The following GDA variants were observed in gnomAD, a reference collection of about 807,000 sequenced individuals.
The protein encoded by GDA is guanine deaminase, also known as cytoplasmic PSD-95 interactor.
Under a neutral mutation model 59.6 loss-of-function variants are expected in GDA, and 18 were observed. The ratio of observed to expected loss-of-function variants is 0.30; its 90% CI spans 0.21 to 0.45. GDA has a LOEUF of 0.45. GDA is among the 20% of genes least tolerant of loss of function. GDA has a pLI of 1.00. For missense variants in GDA, 427 were observed against 552.3 expected, an observed-to-expected ratio of 0.77 and a Z score of 2.27; for synonymous variants, 201 against 201.1, an observed-to-expected ratio of 1.00 and a Z score of 0.00.
chr9:72,123,781 C>CCAA (rs904770285), intron 1 of GDA, among the ~76,000 whole-genome samples: 4 of 152,154 alleles, frequency 2.6e-5, no homozygotes, highest in Admixed American at 1.3e-4. Flanking sequence ...GCCACTGCAC[C>CCAA]CAACCCAGAG....
At chr9:72,253,454 C>CT (rs1430813836), downstream of GDA, 1 of 152,154 alleles carries the variant, frequency 6.6e-6, no homozygotes, top group Non-Finnish European at 1.5e-5. Context: ...GTAGCTGACT[C>CT]TAACTGCCCT....
At chr9:72,240,822 T>C (rs771939323) in intron 10 of GDA, among the ~76,000 whole-genome samples, 4 of 152,202 alleles carry the variant, frequency 2.6e-5, no homozygotes, top group Non-Finnish European at 5.9e-5. Context: ...CTTAGAGCTC[T>C]TGTGGGGATC....
chr9:72,229,838 G>A (rs748080204), intron 9 of GDA, among the ~76,000 whole-genome samples: 18 of 152,194 alleles, frequency 1.2e-4, no homozygotes, highest in Non-Finnish European at 2.2e-4. Context: ...AGGGACCCCA[G>A]AGGTTCTGAG....
chr9:72,226,315 G>T (rs748603832), intron 8 of GDA, among the ~76,000 whole-genome samples: 2 of 152,146 alleles, frequency 1.3e-5, no homozygotes, highest in Non-Finnish European at 2.9e-5. Flanking sequence ...AGGTATGCAG[G>T]CTTACAAGGA....
chr9:72,135,839 G>C (rs1299628807), intron 1 of GDA, among the ~76,000 whole-genome samples: 1 of 151,912 alleles, frequency 6.6e-6, no homozygotes, highest in East Asian at 2.0e-4. Context: ...TTGAACTCCT[G>C]ACGTCAGGTG....
chr9:72,170,424 G>A (rs978363885), intron 1 of GDA, among the ~76,000 whole-genome samples: 12 of 152,092 alleles, frequency 7.9e-5, no homozygotes, highest in African/African-American at 2.9e-4. Flanking sequence ...CTAGATTTTT[G>A]TGGATTTTAC....
At chr9:72,166,099 G>T (rs2130896431) in intron 1 of GDA, among the ~76,000 whole-genome samples, 1 of 152,276 alleles carries the variant, frequency 6.6e-6, no homozygotes, top group African/African-American at 2.4e-5. Context: ...TGTATGAATG[G>T]AGGCTTGTAT....
chr9:72,200,052 C>T (rs1335590112), intron 2 of GDA, among the ~76,000 whole-genome samples: 7 of 141,606 alleles, frequency 4.9e-5, no homozygotes, highest in Non-Finnish European at 9.0e-5. Context: ...GGCTGGAGTG[C>T]AGTGGCATGA....
intron 1 of GDA, among the ~76,000 whole-genome samples, chr9:72,142,264 G>A (rs1826466890): frequency 6.6e-6 from 1 of 152,180 alleles, no homozygotes; most frequent in Admixed American, 6.5e-5. Context: ...TTGATACAAT[G>A]TAAAACTTAA....
chr9:72,149,270 CAA>C (rs1428784436), upstream of GDA: 1 of 441,494 alleles, frequency 2.3e-6, no homozygotes. Context: ...CTTGATAACT[CAA>C]AGAGTTAACA....
intron 3 of GDA, among the ~76,000 whole-genome samples, chr9:72,204,877 C>G (rs2131370799): frequency 6.6e-6 from 1 of 152,146 alleles, no homozygotes; most frequent in African/African-American, 2.4e-5. Context: ...TTTGGGAGAC[C>G]AAGGTGGGTG....
rs75641591 is a variant in GDA, at chr9:72,249,042, G to T, written c.*700G>T. Reference sequence around the variant, plus strand: ...TTGTGCTTCAAAGTGTTTGACAGAAGTTGGGTATTAAAGATTTAAAGTCTC... The same window carrying T: ...TTGTGCTTCAAAGTGTTTGACAGAATTTGGGTATTAAAGATTTAAAGTCTC... On this transcript the variant is annotated 3_prime_UTR_variant, in exon 14 of 14. Coordinates refer to ENST00000358399, the MANE Select transcript of GDA (RefSeq NM_004293.5). 6,422 of 984,920 alleles carry T rather than the reference G, an allele frequency of 6.5e-3. 95 individuals carry two copies. The East Asian group carries it at 0.1, about 16-fold the overall frequency. The allele number at this position is 984,920 out of a possible 1,614,324, so 61.0% of individuals were successfully genotyped here. A position where few individuals can be genotyped will look rare whatever the true frequency, so the allele number is the denominator to read the frequency against.
At chr9:72,196,477 ACT>A (rs903460068) in intron 2 of GDA, among the ~76,000 whole-genome samples, 6 of 141,552 alleles carry the variant, frequency 4.2e-5, no homozygotes, top group Non-Finnish European at 9.0e-5. Flanking sequence ...AAAGAGCAAG[ACT>A]CTGTTAAAAA....
chr9:72,198,862 A>ATATATATATATATATATATATATATAT lies in GDA; in HGVS notation c.212+3274_212+3275insTATATATATATATATATATATATATAT, dbSNP rs1564025002. The stretch of plus-strand genomic sequence containing the variant: ...ATATAGGGGGATATATATATATATA[A>ATATATATATATATATATATATATATAT]AATTTTTTTTGCTCAGGTTATGATA... On this transcript the variant is annotated intron_variant, in intron 2 of 13. Coordinates refer to ENST00000358399, the MANE Select transcript of GDA (RefSeq NM_004293.5). Among the ~76,000 whole-genome samples, 133 of 91,748 alleles carry ATATATATATATATATATATATATATAT rather than the reference A, an allele frequency of 1.4e-3. 13 individuals carry two copies. The highest frequency in any genetic ancestry group is 5.1e-3 in the African/African-American group (131 of 25,756). 60.2% of individuals were successfully genotyped at this position (91,748 alleles called of 152,430 possible).
chr9:72,204,144 T>C (rs909817480), intron 3 of GDA, among the ~76,000 whole-genome samples: 2 of 152,188 alleles, frequency 1.3e-5, no homozygotes, highest in Admixed American at 1.3e-4. Flanking sequence ...TACACTTGCC[T>C]CACGTAATTA....
intron 6 of GDA, among the ~76,000 whole-genome samples, chr9:72,221,101 T>C (rs1231321417): frequency 1.3e-5 from 2 of 152,192 alleles, no homozygotes; most frequent in Non-Finnish European, 2.9e-5. Flanking sequence ...TACCCCTCTA[T>C]GAGTCCTTCT....
intron 2 of GDA, among the ~76,000 whole-genome samples, chr9:72,197,124 T>C (rs1181036409): frequency 6.6e-6 from 1 of 152,216 alleles, no homozygotes; most frequent in East Asian, 1.9e-4. Context: ...ATCCACAGAC[T>C]GTACTGTAGC....
chr9:72,162,881 TCTC>T, intron 1 of GDA, among the ~76,000 whole-genome samples: 1 of 152,180 alleles, frequency 6.6e-6, no homozygotes, highest in South Asian at 2.1e-4. Context: ...ATGGTCTCGA[TCTC>T]CTGACCTCGT....
intron 1 of GDA, among the ~76,000 whole-genome samples, chr9:72,178,028 C>T (rs571774325): frequency 6.6e-6 from 1 of 152,274 alleles, no homozygotes; most frequent in African/African-American, 2.4e-5. Context: ...CTTCATTATC[C>T]ATTCTTATAA....
Sources: allele counts gnomAD v4.1 joint callset (sites outside exome capture counted in the v4.1 genomes callset), GRCh38; gene constraint gnomAD v4.1.1; transcripts MANE v1.5; gene names NCBI Gene and HGNC (gene_info 2026-07-23, HGNC 2026-07-21).